Variants in IGFBP3 observed in about 807,000 individuals in gnomAD.
The protein encoded by IGFBP3 is insulin-like growth factor-binding protein 3.
Under a neutral mutation model 28.6 loss-of-function variants are expected in IGFBP3, and 9 were observed. The observed-to-expected ratio is 0.31, with a 90% CI of 0.19 to 0.55. The LOEUF is 0.55. Ranked by LOEUF, IGFBP3 falls within the 20% of genes least tolerant of loss-of-function variation. The pLI, the probability that IGFBP3 is intolerant of heterozygous loss-of-function variation, is 0.93. For missense variants in IGFBP3, 382 were observed against 428.9 expected (o/e 0.89, Z 0.97); for synonymous variants, 185 against 188.2 (o/e 0.98, Z 0.14).
rs1039201503 is a variant in IGFBP3, at chr7:45,921,194, C to A, written c.-54G>T. ...GCAGGCTGGGCGCGCAGGGATGGGG[C>A]GACAGTACACGGCGCGAAGCTGTGG... On this transcript the variant is annotated 5_prime_UTR_variant, in exon 1 of 5. Transcript: ENST00000613132. 2 of 1,487,638 alleles carry A rather than the reference C, an allele frequency of 1.3e-6. No individual in the cohort carries two copies. The highest frequency in any genetic ancestry group is 2.0e-5 in the Admixed American group (1 of 49,502). 92.2% of individuals were successfully genotyped at this position (1,487,638 alleles called of 1,614,324 possible).
chr7:45,914,658 T>C, intron 4 of IGFBP3, 147 bp downstream of exon 4: 1 of 692,768 alleles, frequency 1.4e-6, no homozygotes, highest in Non-Finnish European at 2.4e-6. Context: ...GAGGGCTCTG[T>C]CCTATTTGCT....
chr7:45,921,200 T>G lies in IGFBP3; in HGVS notation c.-60A>C. 6.7e-7 allele frequency: 1 copy of G among 1,482,752 alleles called. No homozygotes were observed. The highest frequency in any genetic ancestry group is 2.0e-5 in the Admixed American group (1 of 49,650). The allele number at this position is 1,482,752 out of a possible 1,614,324, so 91.8% of individuals were successfully genotyped here. A position where few individuals can be genotyped will look rare whatever the true frequency, so the allele number is the denominator to read the frequency against. On this transcript the variant is annotated 5_prime_UTR_variant, in exon 1 of 5. Transcript: ENST00000613132. ...TGGGCGCGCAGGGATGGGGCGACAGTACACGGCGCGAAGCTGTGGAATCCA... is the reference window on the plus strand; with the variant it reads ...TGGGCGCGCAGGGATGGGGCGACAGGACACGGCGCGAAGCTGTGGAATCCA...
rs759531163 is a variant in IGFBP3, at chr7:45,920,983, G to A, written c.158C>T (p.Pro53Leu). The stretch of plus-strand genomic sequence containing the variant: ...CAGCTCCGCGCACACGGCGGGCGGA[G>A]GCGCGCACTGGGCCAGTGCACGCGC... ...CDARALAQCA[P>L]PPAVCAELVR... Residue 53 changes from proline to leucine, a missense_variant, in exon 1 of 5, where the codon CCT (proline) becomes CTT (leucine). Transcript: ENST00000613132. 1.5e-6 allele frequency: 2 copies of A among 1,347,608 alleles called. No individual in the cohort carries two copies. Among genetic ancestry groups the A allele is most frequent in the South Asian group, 1.9e-5 (1 of 53,470 alleles). The allele number at this position is 1,347,608 out of a possible 1,614,324, so 83.5% of individuals were successfully genotyped here. A position where few individuals can be genotyped will look rare whatever the true frequency, so the allele number is the denominator to read the frequency against.
intron 1 of IGFBP3, 163 bp downstream of exon 1, chr7:45,920,575 G>A (rs1479129621): frequency 3.2e-6 from 2 of 629,692 alleles, no homozygotes; most frequent in African/African-American, 3.8e-5. Context: ...GGGTCCCTCC[G>A]GCGACCGCCT....
chr7:45,920,840 C>T lies in IGFBP3; in HGVS notation c.301G>A (p.Ala101Thr). The T allele has an allele frequency of 7.1e-7, 1 of 1,411,022 alleles. No homozygotes were observed. Among genetic ancestry groups the T allele is most frequent in the Non-Finnish European group, 9.2e-7 (1 of 1,091,116 alleles). The allele number at this position is 1,411,022 out of a possible 1,614,324, so 87.4% of individuals were successfully genotyped here. A position where few individuals can be genotyped will look rare whatever the true frequency, so the allele number is the denominator to read the frequency against. Residue 101 changes from alanine (A) to threonine (T), a missense_variant, in exon 1 of 5, where the codon GCG becomes ACG. By Grantham distance (58) the Ala-to-Thr change is moderately conservative. Transcript: ENST00000613132. ...TCCAGCAGCGCCTGCAGCGGTCGCG[C>T]CTCGTCGGGCGACGGCTGGCAGCGA... ...GLRCQPSPDE[A>T]RPLQALLDGR... is the part of the protein sequence containing the mutation.
At chr7:45,916,946 A>G (rs898319677) in intron 2 of IGFBP3, 57 of 564,826 alleles carry the variant, frequency 1.0e-4, no homozygotes, top group Middle Eastern at 4.7e-4. Context: ...TCTTTATGAG[A>G]ATATTTTTCA....
intron 3 of IGFBP3, chr7:45,915,159 A>C: frequency 1.9e-6 from 1 of 516,638 alleles, no homozygotes; most frequent in Non-Finnish European, 3.5e-6. Context: ...GCTCCAAGAA[A>C]GCGGGGGTGG....
In IGFBP3 at chr7:45,916,447, C is replaced by T. The variant is rs935616836; in HGVS notation, c.750+101G>A. On this transcript the variant is annotated intron_variant, in intron 3 of 4. Transcript: ENST00000613132. ...CCTGGGCACTGGTGCTGCACAGGCT[C>T]AGAGTTAGAGCTATGGCCAGAAGAG... 4.0e-6 allele frequency: 5 copies of T among 1,244,380 alleles called. No individual in the cohort carries two copies. In the South Asian group the frequency reaches 6.9e-5, roughly 17 times the overall value. The allele number at this position is 1,244,380 out of a possible 1,614,324, so 77.1% of individuals were successfully genotyped here. A position where few individuals can be genotyped will look rare whatever the true frequency, so the allele number is the denominator to read the frequency against.
rs897488876 is a variant in IGFBP3 at position 45,913,507 on chromosome 7, A to C, written c.*343T>G. 1 of 152,236 alleles carries C rather than the reference A, an allele frequency of 6.6e-6. No individual in the cohort carries two copies. Among genetic ancestry groups the C allele is most frequent in the Non-Finnish European group, 1.5e-5 (1 of 68,096 alleles). 9.4% of individuals were successfully genotyped at this position (152,236 alleles called of 1,614,324 possible). A position where few individuals can be genotyped will look rare whatever the true frequency, so the allele number is the denominator to read the frequency against. ...TAGGCAACACAGCCGCCTAAGTCAC[A>C]AAGTCAGTGGTCGGCCGCTTCGACC... On this transcript the variant is annotated 3_prime_UTR_variant, in exon 5 of 5. Transcript: ENST00000613132.
rs1033608191 is a variant in IGFBP3 at position 45,913,614 on chromosome 7, G to T, written c.*236C>A. 3.9e-5 allele frequency: 6 copies of T among 152,152 alleles called. No individual in the cohort carries two copies. The highest frequency in any genetic ancestry group is 2.6e-4 in the Admixed American group (4 of 15,272). The allele number at this position is 152,152 out of a possible 1,614,324, so 9.4% of individuals were successfully genotyped here. On this transcript the variant is annotated 3_prime_UTR_variant, in exon 5 of 5. Transcript: ENST00000613132. ...TGAATATTTTGATAGGAAGCGACAA[G>T]AAAATTCAAACTGCTCTTTGCTGAC...
intron 1 of IGFBP3, among the ~76,000 whole-genome samples, chr7:45,917,792 T>C (rs1171052408): frequency 1.3e-5 from 2 of 152,208 alleles, no homozygotes; most frequent in African/African-American, 2.4e-5. Context: ...GGGAGGCTGC[T>C]GCAGCGCCGG....
chr7:45,915,510 A>G (rs963826608), intron 3 of IGFBP3, among the ~76,000 whole-genome samples: 8 of 152,246 alleles, frequency 5.3e-5, no homozygotes, highest in Admixed American at 4.6e-4. Flanking sequence ...TAGATAGCAT[A>G]GTATCAATTG....
rs143572145 is a variant in IGFBP3 at position 45,917,214 on chromosome 7, T to A, written c.629A>T (p.Tyr210Phe). ...FSSESKRETE[Y>F]GPCRREMEDT... ...TTTAACAAGAGGAAAAGCTCTCACATATTCTGTCTCCCGCTTGGACTCGGA... is the reference window on the plus strand; with the variant it reads ...TTTAACAAGAGGAAAAGCTCTCACAAATTCTGTCTCCCGCTTGGACTCGGA... The change falls in exon 2 of 5, where the codon TAT (tyrosine) becomes TTT (phenylalanine). Residue 210 changes from tyrosine to phenylalanine, a missense_variant and splice_region_variant. By Grantham distance (22) the Tyr-to-Phe change is conservative. Coordinates refer to ENST00000613132, the MANE Select transcript of IGFBP3 (RefSeq NM_000598.5). 232 of 1,610,228 alleles carry A rather than the reference T, an allele frequency of 1.4e-4. No individual in the cohort carries two copies. Among genetic ancestry groups the A allele is most frequent in the Non-Finnish European group, 1.8e-4 (209 of 1,176,626 alleles).
chr7:45,920,546 G>A, intron 1 of IGFBP3, 192 bp downstream of exon 1: 1 of 461,788 alleles, frequency 2.2e-6, no homozygotes, highest in Non-Finnish European at 3.6e-6. Flanking sequence ...AATCGAGCAA[G>A]TAGAGGGCCG....
Position 45,913,570 on chromosome 7 carries a change from G to C in IGFBP3, c.*280C>G, listed in dbSNP as rs557765610. ...GCATTCCACGGGCGCATGAAGTCTG[G>C]GTGCTGTGCTCGAGTCTCTGAATAT... On this transcript the variant is annotated 3_prime_UTR_variant, in exon 5 of 5. Transcript: ENST00000613132. 27 of 152,280 alleles carry C rather than the reference G, an allele frequency of 1.8e-4. No individual in the cohort carries two copies. The highest frequency in any genetic ancestry group is 6.0e-4 in the African/African-American group (25 of 41,542). The allele number at this position is 152,280 out of a possible 1,614,324, so 9.4% of individuals were successfully genotyped here. A position where few individuals can be genotyped will look rare whatever the true frequency, so the allele number is the denominator to read the frequency against.
Position 45,916,596 on chromosome 7 carries a change from A to G in IGFBP3, c.702T>C (p.Gly234=), listed in dbSNP as rs767496732. The part of the protein sequence containing the change: ...LKFLNVLSPR[G]VHIPNCDKKG... ...TCTTGTCACAGTTGGGAATGTGTAC[A>G]CCCCTGGGACTCAGCACATTGAGGA... The change falls in exon 3 of 5, where the codon GGT becomes GGC. Residue 234 remains glycine, a synonymous_variant. Transcript: ENST00000613132. 6 of 1,612,994 alleles carry G rather than the reference A, an allele frequency of 3.7e-6. No individual in the cohort carries two copies. The African/African-American group carries it at 8.0e-5, about 22-fold the overall frequency.
chr7:45,918,412 T>C (rs1377056246), intron 1 of IGFBP3, among the ~76,000 whole-genome samples: 1 of 152,240 alleles, frequency 6.6e-6, no homozygotes, highest in Non-Finnish European at 1.5e-5. Context: ...ATTTTAAGTA[T>C]ATGACTAAAT....
chr7:45,917,161 C>T, intron 2 of IGFBP3, 52 bp downstream of exon 2: 2 of 1,461,100 alleles, frequency 1.4e-6, no homozygotes, highest in Non-Finnish European at 1.9e-6. Context: ...CTCTGAGTAC[C>T]CAGGCTTGGC....
At chr7:45,920,223 T>G (rs535435712) in intron 1 of IGFBP3, 4 of 153,726 alleles carry the variant, frequency 2.6e-5, no homozygotes, top group African/African-American at 9.6e-5. Flanking sequence ...TTTACTTGTT[T>G]TTGGACATAC....
Sources: allele counts gnomAD v4.1 joint callset (sites outside exome capture counted in the v4.1 genomes callset), GRCh38; gene constraint gnomAD v4.1.1; transcripts MANE v1.5; gene names NCBI Gene and HGNC (gene_info 2026-07-23, HGNC 2026-07-21).